The following HPX variants were observed in gnomAD, a reference collection of about 807,000 sequenced individuals.
HPX encodes the protein hemopexin.
Under a neutral mutation model 53.8 loss-of-function variants are expected in HPX, and 42 were observed. The observed-to-expected ratio is 0.78, with a 90% confidence interval of 0.61 to 1.01. The LOEUF is 1.01. HPX is among the 50% of genes least tolerant of loss of function. The pLI, the probability that HPX is intolerant of heterozygous loss-of-function variation, is 0.00. For missense variants in HPX, 547 were observed against 594.3 expected (o/e 0.92, Z 0.83); for synonymous variants, 229 against 221.1 (o/e 1.04, Z -0.32).
intron 4 of HPX, 126 bp from the exon 5 acceptor site, chr11:6,438,635 T>C (rs1193879581): frequency 1.2e-6 from 1 of 831,776 alleles, no homozygotes; most frequent in African/African-American, 1.7e-5. Context: ...TCTCAGTCCA[T>C]CTGTGGACAA....
chr11:6,437,402 T>A (rs1450030486), intron 6 of HPX, 38 bp downstream of exon 6: 1 of 1,571,158 alleles, frequency 6.4e-7, no homozygotes. Flanking sequence ...GGAAAGTGGA[T>A]GAATTCTGAC....
chr11:6,437,566 T>G lies in HPX; in HGVS notation c.577A>C (p.Arg193=), dbSNP rs1849431729. The change falls in exon 6 of 10, where the codon AGA becomes CGA. Residue 193 remains arginine, a synonymous_variant. Coordinates refer to ENST00000265983, the MANE Select transcript of HPX (RefSeq NM_000613.3). ...PAVGNCSSAL[R]WLGRYYCFQG... ...AAGCAGTAGTAGCGGCCCAGCCATC[T>G]CAGGGCAGAGGAGCAGTTCCCAACA... 1 of 1,614,074 alleles carries G rather than the reference T, an allele frequency of 6.2e-7. No individual in the cohort carries two copies. Among genetic ancestry groups the G allele is most frequent in the Non-Finnish European group, 8.5e-7 (1 of 1,180,000 alleles).
intron 7 of HPX, among the ~76,000 whole-genome samples, chr11:6,434,207 T>C (rs986927243): frequency 6.6e-6 from 1 of 152,222 alleles, no homozygotes; most frequent in Non-Finnish European, 1.5e-5. Context: ...CCTAGTGTTC[T>C]TGCTGCTACC....
At chr11:6,437,994 C>G (rs1460301150) in intron 5 of HPX, 3 of 500,174 alleles carry the variant, frequency 6.0e-6, no homozygotes, top group Non-Finnish European at 1.1e-5. Flanking sequence ...CAGAGAATAG[C>G]ATAGGGTTTC....
intron 7 of HPX, 198 bp from the exon 8 acceptor site, chr11:6,432,215 T>G: frequency 1.6e-6 from 1 of 613,836 alleles, no homozygotes; most frequent in Non-Finnish European, 2.8e-6. Flanking sequence ...GAAACTGGAA[T>G]CAGCAGGTGC....
intron 4 of HPX, 95 bp downstream of exon 4, chr11:6,440,070 T>G: frequency 6.7e-7 from 1 of 1,497,478 alleles, no homozygotes; most frequent in Non-Finnish European, 9.3e-7. Flanking sequence ...TGCTACCTAT[T>G]GCTATGGGCT....
intron 7 of HPX, among the ~76,000 whole-genome samples, chr11:6,433,352 T>C (rs1564954534): frequency 6.6e-6 from 1 of 152,184 alleles, no homozygotes; most frequent in Non-Finnish European, 1.5e-5. Flanking sequence ...TAATTTTGTA[T>C]TTTTAGTAGA....
intron 4 of HPX, 45 bp from the exon 5 acceptor site, chr11:6,438,554 C>G (rs182316185): frequency 6.4e-7 from 1 of 1,556,852 alleles, no homozygotes; most frequent in East Asian, 2.2e-5. Flanking sequence ...TCCCCAGATA[C>G]TGCCACTCTG....
chr11:6,431,364 G>C lies in HPX; in HGVS notation c.1236C>G (p.Ser412=). Residue 412 remains serine, a synonymous_variant, in exon 10 of 10, where the codon TCC becomes TCG. Transcript: ENST00000265983. ...TGGCGGAACATGAGTTAGGGCCAAG[G>C]GACTTTTCCATACACAAGGCTCCGT... ...KVDGALCMEK[S]LGPNSCSANG... The C allele has an allele frequency of 6.2e-7, 1 of 1,614,244 alleles. No homozygotes were observed. The highest frequency in any genetic ancestry group is 8.5e-7 in the Non-Finnish European group (1 of 1,180,050).
chr11:6,437,354 A>T, intron 6 of HPX, 86 bp downstream of exon 6: 1 of 1,412,270 alleles, frequency 7.1e-7, no homozygotes, highest in Non-Finnish European at 1.0e-6. Context: ...ACACGGAGTT[A>T]AAGTGAGAGC....
intron 4 of HPX, among the ~76,000 whole-genome samples, chr11:6,439,454 C>T (rs56029118): frequency 0.045 from 6,789 of 152,124 alleles, 501 homozygotes; most frequent in African/African-American, 0.15. Context: ...GTAGAACATA[C>T]AATTGGAAAG....
rs370115077 is a variant in HPX at position 6,440,675 on chromosome 11, T to C, written c.139A>G (p.Thr47Ala). The change falls in exon 2 of 10, where the codon ACT (threonine) becomes GCT (alanine). Residue 47 changes from threonine (T) to alanine (A), a missense_variant. Coordinates refer to ENST00000265983, the MANE Select transcript of HPX (RefSeq NM_000613.3). ...EGETKPDPDV[T>A]ERCSDGWSFD... The stretch of plus-strand genomic sequence containing the variant: ...ACTTAGGGAGTCAGGGCCTCACCAG[T>C]CACGTCTGGGTCTGGCTTGGTCTCG... The C allele has an allele frequency of 6.2e-6, 10 of 1,609,096 alleles. No homozygotes were observed. The highest frequency in any genetic ancestry group is 5.5e-5 in the South Asian group (5 of 90,800).
In HPX at chr11:6,440,515, A is replaced by G. The variant is rs1849468069; in HGVS notation, c.166T>C (p.Phe56Leu). 1 of 1,597,756 alleles carries G rather than the reference A, an allele frequency of 6.3e-7. No homozygotes were observed. The highest frequency in any genetic ancestry group is 1.7e-5 in the Admixed American group (1 of 57,946). ...TTGTCATCCAGGGTGGTAGCATCAA[A>G]GCTCCAGCCATCTGAGCAGCGTTCT... The part of the protein sequence containing the change: ...VTERCSDGWS[F>L]DATTLDDNGT... The change falls in exon 3 of 10, where the codon TTT (phenylalanine) becomes CTT (leucine). Residue 56 changes from phenylalanine (F) to leucine (L), a missense_variant. Transcript: ENST00000265983.
chr11:6,437,674 G>A (rs766430146), intron 5 of HPX, 22 bp from the exon 6 acceptor site: 2 of 1,604,208 alleles, frequency 1.2e-6, no homozygotes, highest in Admixed American at 1.7e-5. Flanking sequence ...CAATCAACAG[G>A]CATTTGGTGA....
Position 6,438,497 on chromosome 11 carries a change from A to G in HPX, c.349T>C (p.Trp117Arg). Residue 117 changes from tryptophan to arginine, a missense_variant, in exon 5 of 10, where the codon TGG becomes CGG. Physicochemically the swap from Trp to Arg is moderately radical, Grantham distance 101. Coordinates refer to ENST00000265983, the MANE Select transcript of HPX (RefSeq NM_000613.3). ...SVFLIKGDKV[W>R]VYPPEKKEKG... ...TCCTTCTTTTCAGGAGGGTATACCC[A>G]GACTTTGTCCCCCTGCATTCAAAAG... 16 of 1,614,098 alleles carry G rather than the reference A, an allele frequency of 9.9e-6. No individual in the cohort carries two copies. The highest frequency in any genetic ancestry group is 1.4e-5 in the Non-Finnish European group (16 of 1,179,944).
intron 7 of HPX, among the ~76,000 whole-genome samples, chr11:6,434,083 T>C (rs1032937062): frequency 2.6e-5 from 4 of 152,256 alleles, no homozygotes; most frequent in Admixed American, 2.0e-4. Context: ...TCTCTCACTT[T>C]AGCAGAGCCT....
At chr11:6,437,696 GC>G (rs1460236090) in intron 5 of HPX, 44 bp from the exon 6 acceptor site, 2 of 1,511,052 alleles carry the variant, frequency 1.3e-6, no homozygotes, top group African/African-American at 1.4e-5. Context: ...ACCGGGTTAC[GC>G]CCTCCTTTGT....
chr11:6,439,929 A>G, intron 4 of HPX: 3 of 567,322 alleles, frequency 5.3e-6, no homozygotes, highest in South Asian at 1.9e-5. Flanking sequence ...TGTGAGGTAC[A>G]GCAGAGCGGT....
At chr11:6,436,025 G>A (rs1040687583) in intron 7 of HPX, among the ~76,000 whole-genome samples, 1 of 152,114 alleles carries the variant, frequency 6.6e-6, no homozygotes, top group African/African-American at 2.4e-5. Context: ...CACCATGGCT[G>A]TGTGTTCTCT....
Sources: gnomAD v4.1 joint callset for allele counts (sites outside exome capture counted in the v4.1 genomes callset) on GRCh38, gnomAD v4.1.1 for gene constraint, MANE v1.5 for transcripts, NCBI Gene and HGNC (gene_info 2026-07-23, HGNC 2026-07-21) for gene names.